Variants in ABCG8 observed in about 807,000 individuals in gnomAD.
ABCG8 encodes the protein ATP-binding cassette sub-family G member 8.
In ABCG8, 81 loss-of-function variants were observed where a neutral mutation model predicts 71.3. The observed-to-expected ratio is 1.14, with a 90% confidence interval of 0.95 to 1.37. The LOEUF (loss-of-function observed/expected upper bound fraction) is 1.37. Among genes scored for constraint, ABCG8 ranks in the 40% most tolerant of loss-of-function variants. ABCG8 has a pLI of 0.00. For synonymous variants in ABCG8, 451 were observed against 354.7 expected, an observed-to-expected ratio of 1.27 and a Z score of -3.05; for missense variants, 1,119 against 866.2, an observed-to-expected ratio of 1.29 and a Z score of -3.66.
chr2:43,870,758 T>C (rs535855417), intron 6 of ABCG8, among the ~76,000 whole-genome samples: 2 of 150,406 alleles, frequency 1.3e-5, no homozygotes, highest in African/African-American at 4.9e-5. Flanking sequence ...GAACTCTCAT[T>C]TTCTGTCTGG....
At chr2:43,849,229 C>T (rs896880168) in intron 3 of ABCG8, among the ~76,000 whole-genome samples, 1 of 152,012 alleles carries the variant, frequency 6.6e-6, no homozygotes, top group African/African-American at 2.4e-5. Flanking sequence ...TTTCACACTG[C>T]TCTAAAGAAC....
At chr2:43,849,021 TAAAAAAAAA>T (rs1193216137) in intron 3 of ABCG8, among the ~76,000 whole-genome samples, 2 of 54,710 alleles carry the variant, frequency 3.7e-5, no homozygotes. Flanking sequence ...AAACACTGTC[TAAAAAAAAA>T]AAAAAAAAAA....
At position 43,880,040 on chromosome 2, in the gene ABCG8, GATTA is replaced by G. The variant is rs952880770; in HGVS notation, c.*2131_*2134del. 1.3e-5 allele frequency: 2 copies of G among 152,014 alleles called. No homozygotes were observed. The highest frequency in any genetic ancestry group is 1.9e-4 in the East Asian group (1 of 5,188). The allele number at this position is 152,014 out of a possible 1,614,324, so 9.4% of individuals were successfully genotyped here. A position where few individuals can be genotyped will look rare whatever the true frequency, so the allele number is the denominator to read the frequency against. ...TATCCTTACAACCCTTTATTATTGT[GATTA>G]ATTCTGATGCTCAGCTTGTCCCTGA... On this transcript the variant is annotated 3_prime_UTR_variant, in exon 13 of 13. Coordinates refer to ENST00000272286, the MANE Select transcript of ABCG8 (RefSeq NM_022437.3).
intron 6 of ABCG8, among the ~76,000 whole-genome samples, chr2:43,855,550 G>C (rs114330461): frequency 0.054 from 8,213 of 151,132 alleles, 273 homozygotes; most frequent in Middle Eastern, 0.12. Flanking sequence ...CGCTATCTTT[G>C]TGGATACAGT....
chr2:43,858,294 C>A (rs1226679574), intron 6 of ABCG8, among the ~76,000 whole-genome samples: 2 of 150,218 alleles, frequency 1.3e-5, no homozygotes, highest in African/African-American at 4.9e-5. Flanking sequence ...GGATAGAATT[C>A]TTATTCTCTG....
intron 6 of ABCG8, among the ~76,000 whole-genome samples, chr2:43,859,452 G>T (rs4507142): frequency 3.3e-5 from 5 of 149,902 alleles, no homozygotes; most frequent in Non-Finnish European, 7.5e-5. Context: ...TCTGGATAGA[G>T]CTCTTACTAT....
intron 1 of ABCG8, among the ~76,000 whole-genome samples, chr2:43,843,432 T>C (rs956578196): frequency 2.0e-5 from 3 of 152,214 alleles, no homozygotes; most frequent in African/African-American, 7.2e-5. Flanking sequence ...TTCACCCTTG[T>C]AATCACAGCA....
chr2:43,881,924 G>A lies in ABCG8; in HGVS notation c.*4011G>A, dbSNP rs1243045891. The A allele has an allele frequency of 6.6e-6, 1 of 152,176 alleles. No homozygotes were observed. The highest frequency in any genetic ancestry group is 1.5e-5 in the Non-Finnish European group (1 of 68,030). 9.4% of individuals were successfully genotyped at this position (152,176 alleles called of 1,614,324 possible). On this transcript the variant is annotated 3_prime_UTR_variant, in exon 13 of 13. Transcript: ENST00000272286. Reference sequence around the variant, plus strand: ...TTAACTCTGCTGTTACAGTGTGAGAGCAGCTGTAGACTATAGTAACGTACA... The same window carrying A: ...TTAACTCTGCTGTTACAGTGTGAGAACAGCTGTAGACTATAGTAACGTACA...
In ABCG8 at chr2:43,852,715, C is replaced by T. The variant is rs371646728; in HGVS notation, c.811C>T (p.Gln271Ter). Residue 271 changes from glutamine to a stop codon, truncating the protein, a stop_gained, in exon 6 of 13, where the codon CAG becomes TAG. Transcript: ENST00000272286. LOFTEE classifies it high-confidence loss of function. ...GNRLVLISLH[Q>*]PRSDIFRLFD... ...CCGGCTGGTGCTCATCTCCCTCCAC[C>T]AGCCTCGCTCTGACATCTTCAGGCT... 1.1e-5 allele frequency: 17 copies of T among 1,614,222 alleles called. No homozygotes were observed. The highest frequency in any genetic ancestry group is 1.4e-5 in the Non-Finnish European group (16 of 1,180,028).
chr2:43,867,156 T>C (rs1669557687), intron 6 of ABCG8, among the ~76,000 whole-genome samples: 2 of 126,864 alleles, frequency 1.6e-5, no homozygotes, highest in South Asian at 2.5e-4. Context: ...TGAGAAGACA[T>C]GGAAACAGGA....
In ABCG8 at chr2:43,877,857, G is replaced by A; in HGVS notation, c.1966G>A (p.Val656Ile). ...CATTGGCCTCAGCGGTGGCTTCATG[G>A]TCCTGTACTACGTGTCCTTAAGGTT... ...IVIGLSGGFM[V>I]LYYVSLRFIK... The change falls in exon 13 of 13, where the codon GTC becomes ATC. Residue 656 changes from valine to isoleucine, a missense_variant. Val to Ile is a conservative substitution (Grantham distance 29). Coordinates refer to ENST00000272286, the MANE Select transcript of ABCG8 (RefSeq NM_022437.3). The A allele has an allele frequency of 1.2e-6, 2 of 1,614,074 alleles. No individual in the cohort carries two copies. The highest frequency in any genetic ancestry group is 2.2e-5 in the South Asian group (2 of 91,066).
rs758505491 is a variant in ABCG8 at position 43,851,841 on chromosome 2, T to G, written c.561+19T>G. The G allele has an allele frequency of 6.2e-7, 1 of 1,613,070 alleles. No homozygotes were observed. The highest frequency in any genetic ancestry group is 1.1e-5 in the South Asian group (1 of 91,072). ...CAAAAGGGTAACTAACTGGCCCCAG[T>G]GGTGACCCCCAGGTCCAAGAAGCTA... is the stretch of plus-strand genomic sequence containing the variant. On this transcript the variant is annotated intron_variant, in intron 4 of 12. Coordinates refer to ENST00000272286, the MANE Select transcript of ABCG8 (RefSeq NM_022437.3).
At chr2:43,866,331 C>G (rs561278411) in intron 6 of ABCG8, among the ~76,000 whole-genome samples, 4 of 151,858 alleles carry the variant, frequency 2.6e-5, no homozygotes, top group African/African-American at 9.7e-5. Flanking sequence ...CAACAAAAGC[C>G]AAAATTGACA....
chr2:43,852,721 C>A lies in ABCG8; in HGVS notation c.817C>A (p.Arg273Ser), dbSNP rs759068364. Residue 273 changes from arginine to serine, a missense_variant, in exon 6 of 13, where the codon CGC becomes AGC. Transcript: ENST00000272286. ...GGTGCTCATCTCCCTCCACCAGCCTCGCTCTGACATCTTCAGGCTGTTTGA... is the reference window on the plus strand; with the variant it reads ...GGTGCTCATCTCCCTCCACCAGCCTAGCTCTGACATCTTCAGGCTGTTTGA... ...RLVLISLHQP[R>S]SDIFRLFDLV... 2 of 1,614,184 alleles carry A rather than the reference C, an allele frequency of 1.2e-6. No individual in the cohort carries two copies. The highest frequency in any genetic ancestry group is 1.7e-5 in the Admixed American group (1 of 60,000).
At chr2:43,872,902 C>G (rs1004277362) in intron 8 of ABCG8, among the ~76,000 whole-genome samples, 2 of 152,154 alleles carry the variant, frequency 1.3e-5, no homozygotes, top group Non-Finnish European at 2.9e-5. Context: ...CGTGGTCATA[C>G]CAGCCCTCAA....
At position 43,875,313 on chromosome 2, in the gene ABCG8, G is replaced by A. The variant is rs145341486; in HGVS notation, c.1656G>A (p.Leu552=). Residue 552 remains leucine (L), a synonymous_variant, in exon 11 of 13, where the codon CTG becomes CTA. Transcript: ENST00000272286. ...TTATGGCCCTGGCCGCCGCGGCCCT[G>A]CTCCCCACCTTCCACATGGCCTCCT... ...CRIMALAAAA[L]LPTFHMASFF... The A allele has an allele frequency of 2.3e-4, 364 of 1,614,114 alleles. 1 individual carries two copies. The African/African-American group carries it at 4.3e-3, about 19-fold the overall frequency.
At chr2:43,875,456 C>A in intron 11 of ABCG8, 43 bp downstream of exon 11, 1 of 1,597,138 alleles carries the variant, frequency 6.3e-7, no homozygotes, top group South Asian at 1.1e-5. Context: ...TGTTAGGACT[C>A]ATGTGACTGG....
chr2:43,877,776 A>G lies in ABCG8; in HGVS notation c.1885A>G (p.Ile629Val). The change falls in exon 13 of 13, where the codon ATC (isoleucine) becomes GTC (valine). Residue 629 changes from isoleucine to valine, a missense_variant and splice_region_variant. Physicochemically the swap from Ile to Val is conservative, Grantham distance 29. Coordinates refer to ENST00000272286, the MANE Select transcript of ABCG8 (RefSeq NM_022437.3). The part of the protein sequence containing the change: ...NLTIAVSGDK[I>V]LSVMELDSYP... The stretch of plus-strand genomic sequence containing the variant: ...GCCCACTGCATGTCTGTGTCTCCAG[A>G]TCCTCAGTGTCATGGAGCTGGACTC... The G allele has an allele frequency of 6.2e-7, 1 of 1,614,098 alleles. No homozygotes were observed. Among genetic ancestry groups the G allele is most frequent in the Non-Finnish European group, 8.5e-7 (1 of 1,180,030 alleles).
intron 1 of ABCG8, among the ~76,000 whole-genome samples, chr2:43,841,429 T>G (rs952987637): frequency 5.9e-5 from 9 of 152,228 alleles, no homozygotes; most frequent in Admixed American, 5.2e-4. Flanking sequence ...GAATAGATAC[T>G]TAAGTATTTG....
Sources: gnomAD v4.1 joint callset for allele counts (sites outside exome capture counted in the v4.1 genomes callset) on GRCh38, gnomAD v4.1.1 for gene constraint, MANE v1.5 for transcripts, NCBI Gene and HGNC (gene_info 2026-07-23, HGNC 2026-07-21) for gene names.